The following NXN variants were observed in gnomAD, a reference collection of about 807,000 sequenced individuals.
NXN encodes the protein nucleoredoxin 1.
A neutral mutation model predicts 48.6 loss-of-function variants in NXN; 16 were observed. The ratio of observed to expected loss-of-function variants is 0.33; its 90% confidence interval spans 0.22 to 0.50. NXN has a LOEUF of 0.50. Ranked by LOEUF, NXN falls within the 20% of genes least tolerant of loss-of-function variation. The pLI, the probability that NXN is intolerant of heterozygous loss-of-function variation, is 0.98. For missense variants in NXN, 492 were observed against 605.5 expected, an observed-to-expected ratio of 0.81 and a Z score of 1.97; for synonymous variants, 281 against 269.6, an observed-to-expected ratio of 1.04 and a Z score of -0.41.
intron 1 of NXN, among the ~76,000 whole-genome samples, chr17:955,819 G>A (rs533068981): frequency 1.3e-5 from 2 of 152,008 alleles, no homozygotes; most frequent in South Asian, 2.1e-4. Flanking sequence ...GGAGAATGGC[G>A]TGAACCCGGG....
intron 5 of NXN, among the ~76,000 whole-genome samples, chr17:811,732 G>A (rs1912023468): frequency 6.6e-6 from 1 of 152,066 alleles, no homozygotes; most frequent in Non-Finnish European, 1.5e-5. Context: ...GACCACGGCA[G>A]AGGCCGCCAC....
intron 1 of NXN, among the ~76,000 whole-genome samples, chr17:895,649 T>G (rs529014141): frequency 3.3e-5 from 1 of 30,248 alleles, no homozygotes; most frequent in Non-Finnish European, 6.5e-5. Flanking sequence ...CGTCTCTACT[T>G]AAAATACAAA....
chr17:842,659 A>C (rs1914396646), intron 1 of NXN: 1 of 682,606 alleles, frequency 1.5e-6, no homozygotes, highest in East Asian at 1.4e-4. Flanking sequence ...CCTTCAGGGC[A>C]GGGTGCAGTG....
At chr17:970,032 C>T (rs1324698592) in intron 1 of NXN, among the ~76,000 whole-genome samples, 5 of 152,146 alleles carry the variant, frequency 3.3e-5, no homozygotes, top group African/African-American at 7.2e-5. Flanking sequence ...GTGAAGCTTA[C>T]GTTGTTTTTT....
chr17:840,189 C>T (rs962655686), intron 1 of NXN, among the ~76,000 whole-genome samples: 1 of 152,094 alleles, frequency 6.6e-6, no homozygotes, highest in Non-Finnish European at 1.5e-5. Context: ...CATTTAGCAC[C>T]CATGCCAGCA....
At chr17:824,101 G>A (rs1194938156) in intron 2 of NXN, among the ~76,000 whole-genome samples, 2 of 148,528 alleles carry the variant, frequency 1.3e-5, no homozygotes, top group Middle Eastern at 3.5e-3. Flanking sequence ...GTGCAGTGGC[G>A]CAATCTCAGC....
At chr17:811,189 C>A (rs1449188422) in intron 5 of NXN, among the ~76,000 whole-genome samples, 1 of 152,148 alleles carries the variant, frequency 6.6e-6, no homozygotes, top group Non-Finnish European at 1.5e-5. Context: ...GCTGGAGGAG[C>A]AAAGGGCCCT....
At chr17:824,603 C>T (rs1448392424) in intron 2 of NXN, among the ~76,000 whole-genome samples, 3 of 152,202 alleles carry the variant, frequency 2.0e-5, no homozygotes, top group Admixed American at 6.5e-5. Context: ...TAAAATACCA[C>T]GCTCCTGGGC....
intron 1 of NXN, among the ~76,000 whole-genome samples, chr17:947,316 C>T (rs1022671328): frequency 1.3e-5 from 2 of 152,126 alleles, no homozygotes; most frequent in African/African-American, 4.8e-5. Flanking sequence ...GACTCACTTT[C>T]CTAAATATTA....
chr17:929,799 C>A (rs895388591), intron 1 of NXN: 10 of 145,624 alleles, frequency 6.9e-5, no homozygotes, highest in Non-Finnish European at 1.4e-4. Flanking sequence ...CGTTTTTAAT[C>A]TTCTTAAAAA....
chr17:896,854 A>AGCCGGGGG, intron 1 of NXN: 1 of 908,608 alleles, frequency 1.1e-6, no homozygotes, highest in Non-Finnish European at 1.5e-6. Flanking sequence ...CGCGGTCCTG[A>AGCCGGGGG]CCACCCGCCC....
chr17:924,552 G>A (rs8075958), intron 1 of NXN, among the ~76,000 whole-genome samples: 63,184 of 152,086 alleles, frequency 0.42, 13,783 homozygotes, highest in East Asian at 0.64. Context: ...TTAATTTGTT[G>A]TTGTGATAGA....
Position 830,445 on chromosome 17 carries a change from C to A in NXN, c.361-4367G>T, listed in dbSNP as rs75208971. Among the ~76,000 whole-genome samples the A allele has an allele frequency of 6.6e-6, 1 of 151,872 alleles. No individual in the cohort carries two copies. The highest frequency in any genetic ancestry group is 6.6e-5 in the Admixed American group (1 of 15,226). On this transcript the variant is annotated intron_variant, in intron 1 of 7. Transcript: ENST00000336868. The surrounding 1 kb of genome is among the most constrained non-coding windows in gnomAD (Gnocchi z 4.2). ...TGGCAGCGTGGATTCCAGAGACAGG[C>A]GTCCGGGAGGAATGACATTTGGGCA... is the stretch of plus-strand genomic sequence containing the variant.
chr17:888,914 C>A (rs1007969982), intron 1 of NXN, among the ~76,000 whole-genome samples: 3 of 149,554 alleles, frequency 2.0e-5, no homozygotes, highest in African/African-American at 7.4e-5. Flanking sequence ...GAGATCGCAC[C>A]ACTGCACTCC....
At chr17:964,629 C>G (rs903768465) in intron 1 of NXN, among the ~76,000 whole-genome samples, 2 of 152,194 alleles carry the variant, frequency 1.3e-5, no homozygotes, top group Non-Finnish European at 1.5e-5. Context: ...ACGCCTACAT[C>G]TGAAATGTCA....
chr17:938,509 C>T (rs1464993978), intron 1 of NXN, among the ~76,000 whole-genome samples: 2 of 151,658 alleles, frequency 1.3e-5, no homozygotes, highest in Non-Finnish European at 2.9e-5. Context: ...GCGAAACCCC[C>T]GTCTCTACTA....
chr17:912,692 C>T (rs61155874), intron 1 of NXN, among the ~76,000 whole-genome samples: 4,410 of 152,202 alleles, frequency 0.029, 182 homozygotes, highest in East Asian at 0.22. Context: ...CCTGTAATCC[C>T]AGCATGAAGA....
At chr17:963,808 T>C (rs2069268143) in intron 1 of NXN, among the ~76,000 whole-genome samples, 1 of 152,196 alleles carries the variant, frequency 6.6e-6, no homozygotes, top group Admixed American at 6.5e-5. Context: ...CCGGGCGCGG[T>C]GGCTCACGCC....
chr17:950,887 C>T (rs1374020543), intron 1 of NXN, among the ~76,000 whole-genome samples: 3 of 151,996 alleles, frequency 2.0e-5, no homozygotes, highest in Admixed American at 6.6e-5. Flanking sequence ...AAGACACCTC[C>T]GTAAGAAAGA....
Sources: allele counts gnomAD v4.1 joint callset (sites outside exome capture counted in the v4.1 genomes callset), GRCh38; gene constraint gnomAD v4.1.1; non-coding constraint Gnocchi (gnomAD v3.1); transcripts MANE v1.5; gene names NCBI Gene and HGNC (gene_info 2026-07-23, HGNC 2026-07-21).